The following ANKK1 variants were observed in gnomAD, a reference collection of about 807,000 sequenced individuals.
ANKK1 encodes the protein ankyrin repeat and protein kinase domain-containing protein 1.
Under a neutral mutation model 37.6 loss-of-function variants are expected in ANKK1, and 37 were observed. That is an observed-to-expected ratio of 0.98 (90% CI 0.76 to 1.29). The LOEUF (loss-of-function observed/expected upper bound fraction) is 1.29. Ranked by LOEUF, ANKK1 falls within the 50% of genes most tolerant of loss-of-function variation. The pLI is 0.00. For missense variants in ANKK1, 1,019 were observed against 990.6 expected, an observed-to-expected ratio of 1.03 and a Z score of -0.39; for synonymous variants, 415 against 418.7, an observed-to-expected ratio of 0.99 and a Z score of 0.11.
In ANKK1 at chr11:113,388,099, G is replaced by T. The variant is rs545702309; in HGVS notation, c.185+30G>T. 48 of 1,447,838 alleles carry T rather than the reference G, an allele frequency of 3.3e-5. No individual in the cohort carries two copies. The South Asian group carries it at 6.4e-4, about 19-fold the overall frequency. 89.7% of individuals were successfully genotyped at this position (1,447,838 alleles called of 1,614,324 possible). A position where few individuals can be genotyped will look rare whatever the true frequency, so the allele number is the denominator to read the frequency against. ...TGCCAGCCTCGCCCTCCCCTTTCTCGGAGGAGAAACTGAGGCCCGGCAAGC... is the reference window on the plus strand; with the variant it reads ...TGCCAGCCTCGCCCTCCCCTTTCTCTGAGGAGAAACTGAGGCCCGGCAAGC... On this transcript the variant is annotated intron_variant, in intron 1 of 7. Transcript: ENST00000303941.
Position 113,387,783 on chromosome 11 carries a change from C to T in ANKK1, c.-102C>T. On this transcript the variant is annotated 5_prime_UTR_variant, in exon 1 of 8. Coordinates refer to ENST00000303941, the MANE Select transcript of ANKK1 (RefSeq NM_178510.2). ...GCAGGGCCGGCTCGTCTCCCCATTC[C>T]CCTCTCCCGGACCCGAGGAGCAGGA... 1.5e-6 allele frequency: 2 copies of T among 1,335,028 alleles called. No homozygotes were observed. The highest frequency in any genetic ancestry group is 1.5e-5 in the South Asian group (1 of 65,066). The allele number at this position is 1,335,028 out of a possible 1,614,324, so 82.7% of individuals were successfully genotyped here.
chr11:113,397,847 GT>G, intron 6 of ANKK1, 132 bp from the exon 7 acceptor site: 1 of 1,005,190 alleles, frequency 9.9e-7, no homozygotes, highest in Non-Finnish European at 1.5e-6. Flanking sequence ...AAGGATAAAG[GT>G]TTCCCAGGAT....
intron 1 of ANKK1, among the ~76,000 whole-genome samples, chr11:113,390,717 A>C (rs1950580732): frequency 6.6e-6 from 1 of 151,056 alleles, no homozygotes. Flanking sequence ...CCTGGGCAAC[A>C]AAAGTGAGAC....
chr11:113,394,927 A>G lies in ANKK1; in HGVS notation c.481-2A>G. 6.2e-7 allele frequency: 1 copy of G among 1,605,070 alleles called. No individual in the cohort carries two copies. Among genetic ancestry groups the G allele is most frequent in the Non-Finnish European group, 8.5e-7 (1 of 1,173,284 alleles). ...TTTATCTCTGCCCCTGCCTTCTCCC[A>G]GATTTCAGACTTCGGCCTGTCCAAG... On this transcript the variant is annotated splice_acceptor_variant, in intron 2 of 7. Coordinates refer to ENST00000303941, the MANE Select transcript of ANKK1 (RefSeq NM_178510.2). LOFTEE classifies it high-confidence loss of function.
Position 113,393,474 on chromosome 11 carries a change from T to C in ANKK1, c.186-7T>C. 1.2e-6 allele frequency: 2 copies of C among 1,606,134 alleles called. No homozygotes were observed. Among genetic ancestry groups the C allele is most frequent in the East Asian group, 2.2e-5 (1 of 44,740 alleles). ...CCCCTTCCATATCTTGCTCCCCCTC[T>C]CCATAGCTCTGATGTGAATTACCTC... On this transcript the variant is annotated splice_region_variant and splice_polypyrimidine_tract_variant and intron_variant, in intron 1 of 7. Transcript: ENST00000303941.
Position 113,396,078 on chromosome 11 carries a change from A to C in ANKK1, c.694A>C (p.Met232Leu). The C allele has an allele frequency of 6.2e-7, 1 of 1,614,000 alleles. No individual in the cohort carries two copies. Among genetic ancestry groups the C allele is most frequent in the East Asian group, 2.2e-5 (1 of 44,870 alleles). The change falls in exon 5 of 8, where the codon ATG (methionine) becomes CTG (leucine). Residue 232 changes from methionine to leucine, a missense_variant. Met to Leu is a conservative substitution (Grantham distance 15). Transcript: ENST00000303941. Reference sequence around the variant, plus strand: ...GCCTCCCTTTGCAGGGTTCAACATGATGATGATTATTATCCGAGTGGCGGC... The same window carrying C: ...GCCTCCCTTTGCAGGGTTCAACATGCTGATGATTATTATCCGAGTGGCGGC... ...QKKPYSGFNM[M>L]MIIIRVAAGM... is the part of the protein sequence containing the mutation.
intron 3 of ANKK1, 89 bp from the exon 4 acceptor site, chr11:113,395,270 A>T: frequency 1.3e-6 from 2 of 1,551,658 alleles, no homozygotes; most frequent in South Asian, 2.3e-5. Context: ...GGACTGTGTG[A>T]ACTGTAGCCC....
At position 113,400,055 on chromosome 11, in the gene ANKK1, G is replaced by T. The variant is rs146480879; in HGVS notation, c.2086G>T (p.Ala696Ser). ...HARNKVGWTP[A>S]HLAALKGNTA... ...CCGCAACAAGGTGGGCTGGACACCC[G>T]CCCACCTGGCCGCCCTCAAGGGCAA... The change falls in exon 8 of 8, where the codon GCC (alanine) becomes TCC (serine). Residue 696 changes from alanine (A) to serine (S), a missense_variant. By Grantham distance (99) the Ala-to-Ser change is moderately conservative. Coordinates refer to ENST00000303941, the MANE Select transcript of ANKK1 (RefSeq NM_178510.2). 6.2e-7 allele frequency: 1 copy of T among 1,613,432 alleles called. No individual in the cohort carries two copies. Among genetic ancestry groups the T allele is most frequent in the Admixed American group, 1.7e-5 (1 of 60,018 alleles).
chr11:113,398,674 G>C (rs1047136040), intron 7 of ANKK1, among the ~76,000 whole-genome samples: 1 of 152,094 alleles, frequency 6.6e-6, no homozygotes, highest in African/African-American at 2.4e-5. Flanking sequence ...CTAAGGTCGG[G>C]GGATGCTGAG....
At chr11:113,396,803 T>G (rs1950642575) in intron 5 of ANKK1, among the ~76,000 whole-genome samples, 1 of 152,178 alleles carries the variant, frequency 6.6e-6, no homozygotes, top group Non-Finnish European at 1.5e-5. Flanking sequence ...AGCCACAGCA[T>G]CTGGGCCTGG....
In ANKK1 at chr11:113,399,873, G is replaced by A. The variant is rs150627679; in HGVS notation, c.1904G>A (p.Arg635His). ...VNWTPLHLAA[R>H]HGEEAVVSAL... ...TGGACTCCCCTGCACCTAGCTGCACGCCACGGGGAGGAGGCGGTGGTGTCA... is the reference window on the plus strand; with the variant it reads ...TGGACTCCCCTGCACCTAGCTGCACACCACGGGGAGGAGGCGGTGGTGTCA... The change falls in exon 8 of 8, where the codon CGC becomes CAC. Residue 635 changes from arginine (R) to histidine (H), a missense_variant. Physicochemically the swap from Arg to His is conservative, Grantham distance 29. Coordinates refer to ENST00000303941, the MANE Select transcript of ANKK1 (RefSeq NM_178510.2). The A allele has an allele frequency of 2.8e-4, 447 of 1,613,086 alleles. No individual in the cohort carries two copies. The highest frequency in any genetic ancestry group is 3.6e-4 in the Non-Finnish European group (420 of 1,179,740).
Position 113,393,485 on chromosome 11 carries a change from G to A in ANKK1, c.190G>A (p.Asp64Asn), listed in dbSNP as rs1366471527. The A allele has an allele frequency of 3.1e-6, 5 of 1,612,202 alleles. No homozygotes were observed. In the South Asian group the frequency reaches 4.4e-5, roughly 14 times the overall value. ...TCTTGCTCCCCCTCTCCATAGCTCT[G>A]ATGTGAATTACCTCATTGAAGAAGC... ...PCLPPDAASS[D>N]VNYLIEEAAK... is the part of the protein sequence containing the mutation. Residue 64 changes from aspartate to asparagine, a missense_variant, in exon 2 of 8, where the codon GAT (aspartate) becomes AAT (asparagine). Asp to Asn is a conservative substitution (Grantham distance 23). Coordinates refer to ENST00000303941, the MANE Select transcript of ANKK1 (RefSeq NM_178510.2).
intron 1 of ANKK1, 115 bp downstream of exon 1, chr11:113,388,184 C>G (rs1489653205): frequency 1.8e-5 from 23 of 1,312,928 alleles, no homozygotes; most frequent in Admixed American, 1.2e-4. Flanking sequence ...AGGACTGTCC[C>G]CCGCGGTATT....
chr11:113,395,494 T>TG (rs957105111), intron 4 of ANKK1, 86 bp downstream of exon 4: 297 of 1,420,202 alleles, frequency 2.1e-4, no homozygotes, highest in Middle Eastern at 5.4e-4. Flanking sequence ...GACTGAGGGT[T>TG]GGGGGGGGTC....
In ANKK1 at chr11:113,397,317, A is replaced by T; in HGVS notation, c.932A>T (p.Lys311Met). ...SKALARKVSCKLSLRQPGEVN... is the reference protein window; with the variant it reads ...SKALARKVSCMLSLRQPGEVN... ...GCCCTGGCCAGGAAGGTGTCCTGCA[A>T]GCTGTCGCTGCGCCAGCCCGGGGAG... The change falls in exon 6 of 8, where the codon AAG becomes ATG. Residue 311 changes from lysine (K) to methionine (M), a missense_variant. Coordinates refer to ENST00000303941, the MANE Select transcript of ANKK1 (RefSeq NM_178510.2). 6.2e-7 allele frequency: 1 copy of T among 1,612,658 alleles called. No homozygotes were observed. Among genetic ancestry groups the T allele is most frequent in the Non-Finnish European group, 8.5e-7 (1 of 1,179,792 alleles).
chr11:113,395,456 G>A (rs375233628), intron 4 of ANKK1, 48 bp downstream of exon 4: 1 of 1,598,940 alleles, frequency 6.3e-7, no homozygotes, highest in Non-Finnish European at 8.6e-7. Flanking sequence ...GGACCCCTGG[G>A]ATGGGCTCCT....
intron 4 of ANKK1, 151 bp from the exon 5 acceptor site, chr11:113,395,916 G>T: frequency 4.5e-6 from 4 of 883,784 alleles, no homozygotes; most frequent in East Asian, 2.6e-5. Context: ...ACCTCAAGTT[G>T]GTTGAAAGTC....
Position 113,395,244 on chromosome 11 carries a change from C to T in ANKK1, c.633-115C>T, listed in dbSNP as rs144753967. 4,748 of 1,509,714 alleles carry T rather than the reference C, an allele frequency of 3.1e-3. 25 individuals carry two copies. Among genetic ancestry groups the T allele is most frequent in the Non-Finnish European group, 2.7e-3 (3,008 of 1,105,988 alleles). The allele number at this position is 1,509,714 out of a possible 1,614,324, so 93.5% of individuals were successfully genotyped here. On this transcript the variant is annotated intron_variant, in intron 3 of 7. Transcript: ENST00000303941. ...GCAGAGGGCTGGGGAGTACTTTGGC[C>T]GGTGAGGCTTGCCTGGGACTGTGTG...
chr11:113,399,382 T>A lies in ANKK1; in HGVS notation c.1413T>A (p.Asn471Lys). The A allele has an allele frequency of 6.2e-7, 1 of 1,601,516 alleles. No homozygotes were observed. Among genetic ancestry groups the A allele is most frequent in the Admixed American group, 1.7e-5 (1 of 58,552 alleles). Reference protein sequence around the residue: ...GWTPLHLAAQNNFENVARLLV... With the variant: ...GWTPLHLAAQKNFENVARLLV... ...CCCCTCTTCACCTGGCTGCACAGAA[T>A]AACTTTGAGAATGTGGCACGGCTTC... The change falls in exon 8 of 8, where the codon AAT becomes AAA. Residue 471 changes from asparagine (N) to lysine (K), a missense_variant. Coordinates refer to ENST00000303941, the MANE Select transcript of ANKK1 (RefSeq NM_178510.2).
Sources: gnomAD v4.1 joint callset for allele counts (sites outside exome capture counted in the v4.1 genomes callset) on GRCh38, gnomAD v4.1.1 for gene constraint, MANE v1.5 for transcripts, NCBI Gene and HGNC (gene_info 2026-07-23, HGNC 2026-07-21) for gene names.